Variants in CWC27 observed in about 807,000 individuals in gnomAD.
CWC27 encodes spliceosome-associated protein CWC27 homolog.
In CWC27, 47 loss-of-function variants were observed where a neutral mutation model predicts 63.6. The observed-to-expected ratio is 0.74, with a 90% confidence interval of 0.58 to 0.94. The LOEUF (loss-of-function observed/expected upper bound fraction) is 0.94. Ranked by LOEUF, CWC27 falls within the 40% of genes least tolerant of loss-of-function variation. CWC27 has a pLI of 0.00. For synonymous variants in CWC27, 175 were observed against 179.8 expected, an observed-to-expected ratio of 0.97 and a Z score of 0.22; for missense variants, 495 against 554.3, an observed-to-expected ratio of 0.89 and a Z score of 1.07.
intron 7 of CWC27, among the ~76,000 whole-genome samples, chr5:64,790,590 T>C (rs912011952): frequency 2.0e-5 from 3 of 152,094 alleles, no homozygotes; most frequent in African/African-American, 7.2e-5. Flanking sequence ...TTTTTCCTTT[T>C]GCCAGGAGTA....
intron 1 of CWC27, among the ~76,000 whole-genome samples, chr5:64,771,525 C>G (rs1268025773): frequency 6.6e-6 from 1 of 152,040 alleles, no homozygotes; most frequent in Non-Finnish European, 1.5e-5. Context: ...GAGGTAATTC[C>G]CTGAAGATGA....
chr5:64,996,891 G>A (rs1749643750), intron 13 of CWC27, among the ~76,000 whole-genome samples: 1 of 152,044 alleles, frequency 6.6e-6, no homozygotes, highest in Non-Finnish European at 1.5e-5. Context: ...CTCTAAGTTA[G>A]CTAGGCTACT....
chr5:64,851,820 T>C (rs911688919), intron 10 of CWC27, among the ~76,000 whole-genome samples: 3 of 152,198 alleles, frequency 2.0e-5, no homozygotes, highest in Non-Finnish European at 2.9e-5. Context: ...GAATACTTAC[T>C]AAGTGCAAGG....
At chr5:64,900,501 G>A (rs960816153) in intron 11 of CWC27, among the ~76,000 whole-genome samples, 3 of 151,878 alleles carry the variant, frequency 2.0e-5, no homozygotes, top group Non-Finnish European at 4.4e-5. Context: ...TCTCTCAAAC[G>A]GTGGCTTATA....
chr5:64,769,020 A>G lies in CWC27; in HGVS notation c.-127A>G, dbSNP rs1743138059. 2 of 771,604 alleles carry G rather than the reference A, an allele frequency of 2.6e-6. No homozygotes were observed. The highest frequency in any genetic ancestry group is 4.5e-6 in the Non-Finnish European group (2 of 446,328). 47.8% of individuals were successfully genotyped at this position (771,604 alleles called of 1,614,324 possible). The stretch of plus-strand genomic sequence containing the variant: ...GTTTGGTGTCCCTGTCTTGCGTGAT[A>G]TTGACAAACTGAAGCTTTCCTGCAC... On this transcript the variant is annotated 5_prime_UTR_variant, in exon 1 of 14. It adds an upstream start codon to the 5' untranslated region. Coordinates refer to ENST00000381070, the MANE Select transcript of CWC27 (RefSeq NM_005869.4).
chr5:64,934,001 A>G (rs1561161740), intron 11 of CWC27, among the ~76,000 whole-genome samples: 2 of 152,230 alleles, frequency 1.3e-5, no homozygotes, highest in Non-Finnish European at 2.9e-5. Flanking sequence ...CCAGGATTCA[A>G]TCCAAGATAA....
intron 1 of CWC27, among the ~76,000 whole-genome samples, chr5:64,774,212 G>A (rs2112142001): frequency 6.6e-6 from 1 of 152,216 alleles, no homozygotes; most frequent in South Asian, 2.1e-4. Flanking sequence ...CTGGAATATA[G>A]TGGCATGATC....
intron 11 of CWC27, among the ~76,000 whole-genome samples, chr5:64,954,688 A>G (rs1748773385): frequency 6.7e-6 from 1 of 150,280 alleles, no homozygotes; most frequent in Non-Finnish European, 1.5e-5. Flanking sequence ...TATAACATAT[A>G]TATATATGCA....
chr5:64,906,940 G>C (rs1396820471), intron 11 of CWC27, among the ~76,000 whole-genome samples: 3 of 152,020 alleles, frequency 2.0e-5, no homozygotes, highest in South Asian at 4.1e-4. Context: ...TCCCCATTTT[G>C]TGTTTTTGTC....
intron 13 of CWC27, among the ~76,000 whole-genome samples, chr5:64,993,250 A>G (rs1198367301): frequency 6.6e-6 from 1 of 152,204 alleles, no homozygotes. Flanking sequence ...AAGGCTTGAC[A>G]TGTTACTCAA....
intron 11 of CWC27, among the ~76,000 whole-genome samples, chr5:64,945,288 G>A (rs1213876194): frequency 6.6e-6 from 1 of 151,940 alleles, no homozygotes; most frequent in Non-Finnish European, 1.5e-5. Context: ...TTTGTTTTCT[G>A]CCTTCCCCAG....
intron 10 of CWC27, among the ~76,000 whole-genome samples, chr5:64,851,735 C>A (rs957721540): frequency 6.6e-6 from 1 of 152,008 alleles, no homozygotes; most frequent in African/African-American, 2.4e-5. Flanking sequence ...TCAAACTTAG[C>A]TATATGATTT....
intron 12 of CWC27, among the ~76,000 whole-genome samples, chr5:64,973,134 T>A (rs2112443584): frequency 6.6e-6 from 1 of 152,278 alleles, no homozygotes; most frequent in Admixed American, 6.5e-5. Flanking sequence ...AGATATTAAA[T>A]ATGATTGTAA....
At chr5:64,796,035 G>T (rs1744254573) in intron 7 of CWC27, among the ~76,000 whole-genome samples, 1 of 149,940 alleles carries the variant, frequency 6.7e-6, no homozygotes, top group Non-Finnish European at 1.5e-5. Context: ...GTGTGTGTGT[G>T]TGTGTGTATT....
At chr5:64,949,640 G>A (rs1350861590) in intron 11 of CWC27, among the ~76,000 whole-genome samples, 4 of 151,874 alleles carry the variant, frequency 2.6e-5, no homozygotes, top group Admixed American at 6.6e-5. Context: ...GCTATAATTT[G>A]CCTGCCACAC....
At chr5:64,982,620 C>T (rs1458249476) in intron 13 of CWC27, among the ~76,000 whole-genome samples, 1 of 152,046 alleles carries the variant, frequency 6.6e-6, no homozygotes, top group Non-Finnish European at 1.5e-5. Context: ...CCCCTTCATT[C>T]CAACAGGACA....
intron 10 of CWC27, among the ~76,000 whole-genome samples, chr5:64,869,027 G>C (rs1436882472): frequency 1.3e-5 from 2 of 151,826 alleles, no homozygotes; most frequent in African/African-American, 4.8e-5. Context: ...AACAGGACTT[G>C]GAACATTTTT....
intron 11 of CWC27, among the ~76,000 whole-genome samples, chr5:64,893,996 C>A (rs1458234121): frequency 6.6e-6 from 1 of 150,906 alleles, no homozygotes; most frequent in East Asian, 1.9e-4. Flanking sequence ...GTGGCACGAT[C>A]TCCACTCACT....
At chr5:64,825,806 A>C (rs1178356856) in intron 10 of CWC27, among the ~76,000 whole-genome samples, 1 of 152,170 alleles carries the variant, frequency 6.6e-6, no homozygotes, top group Non-Finnish European at 1.5e-5. Flanking sequence ...TGTTGGTATG[A>C]AGTTATTTTG....
Sources: gnomAD v4.1 joint callset for allele counts (sites outside exome capture counted in the v4.1 genomes callset) on GRCh38, gnomAD v4.1.1 for gene constraint, MANE v1.5 for transcripts, NCBI Gene and HGNC (gene_info 2026-07-23, HGNC 2026-07-21) for gene names.